Variants in CNTN4 observed in about 807,000 individuals in gnomAD.
The protein encoded by CNTN4 is contactin 4.
A neutral mutation model predicts 122.5 loss-of-function variants in CNTN4; 77 were observed. The observed-to-expected ratio is 0.63, with a 90% confidence interval of 0.52 to 0.76. The LOEUF (loss-of-function observed/expected upper bound fraction) is 0.76. CNTN4 is among the 30% of genes least tolerant of loss of function. The pLI is 0.00. For missense variants in CNTN4, 1,256 were observed against 1,259.1 expected (o/e 1.00, Z 0.04); for synonymous variants, 512 against 447.0 (o/e 1.15, Z -1.83).
intron 8 of CNTN4, among the ~76,000 whole-genome samples, chr3:2,875,682 AATG>A (rs1429879439): frequency 6.6e-6 from 1 of 152,196 alleles, no homozygotes; most frequent in Non-Finnish European, 1.5e-5. Flanking sequence ...CCCTTGACAA[AATG>A]ATATCATTAA....
chr3:2,930,120 T>C (rs1559681217), intron 13 of CNTN4, among the ~76,000 whole-genome samples: 1 of 152,194 alleles, frequency 6.6e-6, no homozygotes, highest in Non-Finnish European at 1.5e-5. Flanking sequence ...CCCTTCCCTT[T>C]CTATACTGGG....
chr3:2,951,377 G>T (rs112798080), intron 13 of CNTN4, among the ~76,000 whole-genome samples: 1 of 152,124 alleles, frequency 6.6e-6, no homozygotes, highest in African/African-American at 2.4e-5. Context: ...TAGGGTTCAG[G>T]TCCTGTCCTG....
chr3:2,910,018 A>T (rs1350359916), intron 12 of CNTN4, among the ~76,000 whole-genome samples: 3 of 152,186 alleles, frequency 2.0e-5, no homozygotes, highest in African/African-American at 7.2e-5. Flanking sequence ...AATCCGAAGT[A>T]CCCCTGTATG....
intron 2 of CNTN4, among the ~76,000 whole-genome samples, chr3:2,287,711 G>GGAAGAGGAA (rs1559415965): frequency 1.5e-5 from 1 of 65,420 alleles, no homozygotes; most frequent in African/African-American, 6.1e-5. Context: ...AAGAAGAAGA[G>GGAAGAGGAA]GAAGAAGAAG....
intron 12 of CNTN4, among the ~76,000 whole-genome samples, chr3:2,911,223 G>T (rs1218379844): frequency 6.6e-6 from 1 of 152,106 alleles, no homozygotes; most frequent in Non-Finnish European, 1.5e-5. Context: ...GCTTGGTCTG[G>T]TATCAGGCTG....
intron 6 of CNTN4, among the ~76,000 whole-genome samples, chr3:2,755,734 G>A (rs1219696511): frequency 6.6e-6 from 1 of 152,154 alleles, no homozygotes; most frequent in Non-Finnish European, 1.5e-5. Context: ...ATGAAGTATA[G>A]AGATTGCTTT....
At chr3:2,397,884 T>A (rs1211138200) in intron 3 of CNTN4, among the ~76,000 whole-genome samples, 1 of 152,144 alleles carries the variant, frequency 6.6e-6, no homozygotes, top group African/African-American at 2.4e-5. Flanking sequence ...CTCTTTGACT[T>A]AAATAGATTA....
chr3:2,113,182 G>A (rs911788105), intron 2 of CNTN4, among the ~76,000 whole-genome samples: 1 of 152,092 alleles, frequency 6.6e-6, no homozygotes, highest in Admixed American at 6.6e-5. Context: ...CGGGTGGAAG[G>A]GCTGTTTCCC....
rs73807706 is a variant in CNTN4 at position 2,303,025 on chromosome 3, C to T, written c.-144-36153C>T. Among the ~76,000 whole-genome samples the T allele has an allele frequency of 5.7e-3, 866 of 152,236 alleles. 16 individuals carry two copies. The highest frequency in any genetic ancestry group is 0.019 in the African/African-American group (810 of 41,542). On this transcript the variant is annotated intron_variant, in intron 2 of 24. Transcript: ENST00000418658. ...ATTTATTGTGTGAGACATTGTCCTT[C>T]ACAGTTTACATATATAATGATGATA...
intron 4 of CNTN4, among the ~76,000 whole-genome samples, chr3:2,586,493 A>G (rs191116345): frequency 6.6e-6 from 1 of 152,058 alleles, no homozygotes; most frequent in African/African-American, 2.4e-5. Context: ...GGATTTCACC[A>G]TGTTGGCCAG....
intron 6 of CNTN4, among the ~76,000 whole-genome samples, chr3:2,792,947 A>T (rs1367365882): frequency 1.3e-5 from 2 of 152,210 alleles, no homozygotes; most frequent in South Asian, 4.1e-4. Flanking sequence ...TAGCTTTCAT[A>T]AAAGATAGGG....
intron 10 of CNTN4, among the ~76,000 whole-genome samples, chr3:2,897,061 C>A (rs2094123278): frequency 6.6e-6 from 1 of 151,700 alleles, no homozygotes; most frequent in Non-Finnish European, 1.5e-5. Flanking sequence ...CCAAATACTC[C>A]TGAGAATTGT....
chr3:2,148,613 G>A (rs1210231863), intron 2 of CNTN4, among the ~76,000 whole-genome samples: 2 of 152,040 alleles, frequency 1.3e-5, no homozygotes, highest in African/African-American at 4.8e-5. Context: ...AATATACACT[G>A]TTTCTTGGGC....
intron 3 of CNTN4, among the ~76,000 whole-genome samples, chr3:2,555,139 G>C (rs921719477): frequency 1.3e-5 from 2 of 152,134 alleles, no homozygotes; most frequent in African/African-American, 4.8e-5. Context: ...TATCTATATA[G>C]ATTGTCATAT....
intron 2 of CNTN4, among the ~76,000 whole-genome samples, chr3:2,327,626 G>C (rs1204728010): frequency 1.3e-5 from 2 of 152,100 alleles, no homozygotes; most frequent in Non-Finnish European, 1.5e-5. Context: ...CCATAATGCA[G>C]ATCTCATTAA....
chr3:2,820,744 G>A (rs918913775), intron 7 of CNTN4, among the ~76,000 whole-genome samples: 2 of 151,774 alleles, frequency 1.3e-5, no homozygotes, highest in Non-Finnish European at 2.9e-5. Context: ...AATTACAAGG[G>A]TTTTGGGATG....
At chr3:2,933,138 TA>T (rs2094539341) in intron 13 of CNTN4, among the ~76,000 whole-genome samples, 1 of 152,118 alleles carries the variant, frequency 6.6e-6, no homozygotes, top group African/African-American at 2.4e-5. Context: ...GTTACATTTT[TA>T]TGAGGCTGTG....
At chr3:2,927,818 C>T (rs1221347493) in intron 13 of CNTN4, among the ~76,000 whole-genome samples, 2 of 152,176 alleles carry the variant, frequency 1.3e-5, no homozygotes, top group East Asian at 3.9e-4. Flanking sequence ...AACTCCCCAT[C>T]ATTACCTAAT....
At chr3:2,755,113 A>G (rs1050295707) in intron 6 of CNTN4, among the ~76,000 whole-genome samples, 5 of 152,124 alleles carry the variant, frequency 3.3e-5, no homozygotes, top group African/African-American at 7.2e-5. Context: ...GCTTCTATTC[A>G]CGGTAATTTT....
Sources: allele counts gnomAD v4.1 joint callset (sites outside exome capture counted in the v4.1 genomes callset), GRCh38; gene constraint gnomAD v4.1.1; transcripts MANE v1.5; gene names NCBI Gene and HGNC (gene_info 2026-07-23, HGNC 2026-07-21).